The following NPY4R variants were observed in gnomAD, a reference collection of about 807,000 sequenced individuals.
The protein encoded by NPY4R is neuropeptide Y receptor Y4, also known as neuropeptide Y receptor type 4.
NPY4R carries 2 observed loss-of-function variants against 11.9 expected under a neutral mutation model. The ratio of observed to expected loss-of-function variants is 0.17; its 90% CI spans 0.07 to 0.53. The LOEUF (loss-of-function observed/expected upper bound fraction) is 0.53. Among genes scored for constraint, NPY4R ranks in the 20% least tolerant of loss-of-function variants. The pLI is 0.94. For missense variants in NPY4R, 26 were observed against 280.2 expected (o/e 0.09, Z 6.48); for synonymous variants, 8 against 121.7 (o/e 0.07, Z 6.15).
At chr10:46,466,263 CCTTTCTTTCTTTCTT>C (rs1251612557), upstream of NPY4R, among the ~76,000 whole-genome samples, 65 of 12,478 alleles carry the variant, frequency 5.2e-3, 2 homozygotes, top group African/African-American at 0.013. Flanking sequence ...TTCTTTCTTT[CCTTTCTTTCTTTCTT>C]TCTTTCTCTC....
intron 1 of NPY4R, among the ~76,000 whole-genome samples, chr10:46,464,176 CT>C (rs1840940550): frequency 6.6e-6 from 1 of 151,858 alleles, no homozygotes; most frequent in Admixed American, 6.6e-5. Flanking sequence ...CAACACCTGC[CT>C]GGCCAACATG....
chr10:46,466,243 C>T (rs1303148027), upstream of NPY4R, among the ~76,000 whole-genome samples: 1 of 69,298 alleles, frequency 1.4e-5, no homozygotes, highest in African/African-American at 8.4e-5. Context: ...TTCTTTCTTT[C>T]TTTCTTTCTT....
chr10:46,466,212 T>C (rs1414320823), upstream of NPY4R, among the ~76,000 whole-genome samples: 1 of 58,402 alleles, frequency 1.7e-5, no homozygotes, highest in Non-Finnish European at 3.3e-5. Flanking sequence ...TCTTTCTTTC[T>C]TTCTTTCTTT....
intron 1 of NPY4R, among the ~76,000 whole-genome samples, chr10:46,464,300 C>T (rs1291412277): frequency 4.2e-5 from 6 of 144,536 alleles, no homozygotes; most frequent in Admixed American, 6.9e-5. Context: ...ACCTGGGAGG[C>T]GGAGGTTGCA....
At chr10:46,466,274 T>C (rs1328500570), upstream of NPY4R, among the ~76,000 whole-genome samples, 34 of 60,296 alleles carry the variant, frequency 5.6e-4, no homozygotes, top group African/African-American at 1.7e-3. Flanking sequence ...CTTTCTTTCT[T>C]TCTTTCTTTC....
chr10:46,467,992 T>C (rs1486591965), upstream of NPY4R, among the ~76,000 whole-genome samples: 1 of 110,080 alleles, frequency 9.1e-6, no homozygotes, highest in African/African-American at 3.8e-5. Context: ...AGCAAACAGC[T>C]CCCTTGCCAG....
upstream of NPY4R, among the ~76,000 whole-genome samples, chr10:46,466,255 CTTTCT>C (rs1841039029): frequency 1.2e-4 from 8 of 64,816 alleles, no homozygotes; most frequent in African/African-American, 2.0e-4. Flanking sequence ...TTCTTTCTTT[CTTTCT>C]TTCCTTTCTT....
upstream of NPY4R, among the ~76,000 whole-genome samples, chr10:46,466,184 T>TCTTTCTTTCTTTCTTCC (rs1491381958): frequency 1.3e-3 from 2 of 1,554 alleles, no homozygotes; most frequent in African/African-American, 3.9e-3. Flanking sequence ...TCTTTCTCTC[T>TCTTTCTTTCTTTCTTCC]TTCTTTCTTT....
chr10:46,463,834 G>T lies in NPY4R; in HGVS notation c.-164C>A, dbSNP rs1241637806. The T allele has an allele frequency of 7.0e-6, 1 of 143,748 alleles. No homozygotes were observed. The highest frequency in any genetic ancestry group is 1.5e-5 in the Non-Finnish European group (1 of 66,496). The allele number at this position is 143,748 out of a possible 1,614,324, so 8.9% of individuals were successfully genotyped here. ...GCATGTTGAAAGTGCAGATCCCAGG[G>T]CCCTTCCACCAGGAGATGTAGTTAA... On this transcript the variant is annotated 5_prime_UTR_variant, in exon 2 of 3. Transcript: ENST00000374312.
upstream of NPY4R, among the ~76,000 whole-genome samples, chr10:46,466,219 C>A (rs1841025273): frequency 3.1e-5 from 2 of 64,400 alleles, 1 homozygote; most frequent in South Asian, 8.5e-4. Flanking sequence ...TTCTTTCTTT[C>A]TTTCTTTCTT....
At chr10:46,466,278 TTCTTTCTCTC>T (rs1841047518), upstream of NPY4R, among the ~76,000 whole-genome samples, 3 of 73,284 alleles carry the variant, frequency 4.1e-5, no homozygotes, top group African/African-American at 1.6e-4. Flanking sequence ...CTTTCTTTCT[TTCTTTCTCTC>T]TCTCTCTCTC....
chr10:46,466,282 TTCTCTCTCTCTC>T (rs1160755760), upstream of NPY4R, among the ~76,000 whole-genome samples: 4 of 63,736 alleles, frequency 6.3e-5, no homozygotes, highest in South Asian at 4.2e-4. Context: ...CTTTCTTTCT[TTCTCTCTCTCTC>T]TCTCTCTCCC....
upstream of NPY4R, among the ~76,000 whole-genome samples, chr10:46,466,239 CTTTCTTTCTTTCTTTCTTT>C (rs1841031993): frequency 1.4e-5 from 1 of 69,372 alleles, no homozygotes; most frequent in Non-Finnish European, 2.7e-5. Context: ...TTCTTTCTTT[CTTTCTTTCTTTCTTTCTTT>C]CTTTCCTTTC....
chr10:46,466,178 T>TCG (rs1841015042), upstream of NPY4R, among the ~76,000 whole-genome samples: 1 of 11,004 alleles, frequency 9.1e-5, no homozygotes, highest in South Asian at 4.1e-3. Context: ...GCGCTGTCTT[T>TCG]CTCTCTTTCT....
chr10:46,464,063 A>C (rs1406623673), intron 1 of NPY4R, among the ~76,000 whole-genome samples, 178 bp from the exon 2 acceptor site: 1 of 145,194 alleles, frequency 6.9e-6, no homozygotes, highest in Admixed American at 6.9e-5. Context: ...GCACAAGGCC[A>C]AAATCAACCA....
In NPY4R at chr10:46,465,790, G is replaced by GCC. The variant is rs575901579; in HGVS notation, c.-330_-329dup. On this transcript the variant is annotated 5_prime_UTR_variant, in exon 1 of 3. Transcript: ENST00000374312. ...CCCCAGATCCAGTGTGACGCTCTGC[G>GCC]CCCCGGGCCAAGGGCAGGCAGCGCG... 1.4e-3 allele frequency: 185 copies of GCC among 135,276 alleles called. No individual in the cohort carries two copies. The highest frequency in any genetic ancestry group is 4.7e-3 in the African/African-American group (175 of 36,860). 8.4% of individuals were successfully genotyped at this position (135,276 alleles called of 1,614,324 possible).
At chr10:46,466,247 CTTTCTTTCTTT>C (rs1841035001), upstream of NPY4R, among the ~76,000 whole-genome samples, 28 of 68,802 alleles carry the variant, frequency 4.1e-4, 5 homozygotes, top group Non-Finnish European at 6.1e-4. Context: ...TTCTTTCTTT[CTTTCTTTCTTT>C]CTTTCCTTTC....
upstream of NPY4R, among the ~76,000 whole-genome samples, chr10:46,466,196 T>C (rs1270651376): frequency 8.3e-5 from 2 of 24,178 alleles, no homozygotes; most frequent in African/African-American, 3.9e-4. Flanking sequence ...TCTTTCTTTC[T>C]TTCTTTCTTT....
upstream of NPY4R, among the ~76,000 whole-genome samples, chr10:46,466,205 TTCTTTCTTTCTTTCTTTC>T (rs1841023602): frequency 8.1e-5 from 4 of 49,660 alleles, no homozygotes; most frequent in African/African-American, 4.4e-4. Context: ...CTTTCTTTCT[TTCTTTCTTTCTTTCTTTC>T]TTTCTTTCTT....
Sources: allele counts gnomAD v4.1 joint callset (sites outside exome capture counted in the v4.1 genomes callset), GRCh38; gene constraint gnomAD v4.1.1; transcripts MANE v1.5; gene names NCBI Gene and HGNC (gene_info 2026-07-23, HGNC 2026-07-21).